PPM1H: variants seen among roughly 807,000 people sequenced by gnomAD.
PPM1H encodes protein phosphatase 1H.
Under a neutral mutation model 54.9 loss-of-function variants are expected in PPM1H, and 27 were observed. That is an observed-to-expected ratio of 0.49 (90% CI 0.36 to 0.68). The LOEUF is 0.68. Ranked by LOEUF, PPM1H falls within the 30% of genes least tolerant of loss-of-function variation. The pLI, the probability that PPM1H is intolerant of heterozygous loss-of-function variation, is 0.00. For synonymous variants in PPM1H, 305 were observed against 270.8 expected, an observed-to-expected ratio of 1.13 and a Z score of -1.24; for missense variants, 596 against 667.8, an observed-to-expected ratio of 0.89 and a Z score of 1.19.
chr12:62,761,186 A>G (rs2076506630), intron 4 of PPM1H, among the ~76,000 whole-genome samples: 1 of 152,244 alleles, frequency 6.6e-6, no homozygotes, highest in Non-Finnish European at 1.5e-5. Context: ...TTAATACTAT[A>G]AAGTAAGGTC....
At chr12:62,776,038 T>C (rs891644706) in intron 4 of PPM1H, among the ~76,000 whole-genome samples, 1 of 152,296 alleles carries the variant, frequency 6.6e-6, no homozygotes, top group East Asian at 1.9e-4. Context: ...GAAACTGCCC[T>C]TTATGAAACT....
At chr12:62,817,116 T>TAAAA (rs1189819660) in intron 2 of PPM1H, among the ~76,000 whole-genome samples, 57 of 41,322 alleles carry the variant, frequency 1.4e-3, no homozygotes, top group Non-Finnish European at 2.1e-3. Context: ...ACTGCATTAC[T>TAAAA]AAAAAAAAAA....
intron 4 of PPM1H, among the ~76,000 whole-genome samples, chr12:62,776,779 C>A (rs2076614001): frequency 6.6e-6 from 1 of 152,212 alleles, no homozygotes; most frequent in Non-Finnish European, 1.5e-5. Context: ...GTACTAACAG[C>A]TAAACCATAT....
At chr12:62,808,877 T>C (rs1237261606) in intron 2 of PPM1H, among the ~76,000 whole-genome samples, 1 of 152,048 alleles carries the variant, frequency 6.6e-6, no homozygotes, top group Non-Finnish European at 1.5e-5. Flanking sequence ...AGGAGTGCTA[T>C]GAAAGCTGGA....
chr12:62,679,141 C>T (rs1323204968), intron 8 of PPM1H, among the ~76,000 whole-genome samples: 2 of 152,014 alleles, frequency 1.3e-5, no homozygotes, highest in African/African-American at 2.4e-5. Context: ...CACATGCCAC[C>T]GTGCCCAGCT....
chr12:62,855,285 G>A (rs58624144), intron 1 of PPM1H, among the ~76,000 whole-genome samples: 5,228 of 152,142 alleles, frequency 0.034, 326 homozygotes, highest in African/African-American at 0.12. Flanking sequence ...TGCTCCAAGC[G>A]ACACAGACTG....
At chr12:62,690,173 G>GATCCATCC (rs747377788) in intron 7 of PPM1H, among the ~76,000 whole-genome samples, 1 of 151,660 alleles carries the variant, frequency 6.6e-6, no homozygotes, top group Non-Finnish European at 1.5e-5. Context: ...AGGATTGATC[G>GATCCATCC]ATCCATCCAT....
intron 1 of PPM1H, among the ~76,000 whole-genome samples, chr12:62,851,672 C>T (rs1240679763): frequency 6.6e-6 from 1 of 152,052 alleles, no homozygotes; most frequent in Non-Finnish European, 1.5e-5. Context: ...CATTGCCCTC[C>T]AGCCTGGGCA....
chr12:62,834,379 C>T (rs916033142), intron 1 of PPM1H, among the ~76,000 whole-genome samples: 2 of 152,120 alleles, frequency 1.3e-5, no homozygotes, highest in Non-Finnish European at 2.9e-5. Flanking sequence ...TTAATCCTAC[C>T]GCATTTACTG....
chr12:62,781,140 T>A (rs1248731991), intron 4 of PPM1H, among the ~76,000 whole-genome samples: 1 of 152,082 alleles, frequency 6.6e-6, no homozygotes, highest in Non-Finnish European at 1.5e-5. Context: ...GAGGCCGGGA[T>A]AGGATAGGAT....
At chr12:62,775,868 CT>C (rs1231102966) in intron 4 of PPM1H, among the ~76,000 whole-genome samples, 2 of 152,218 alleles carry the variant, frequency 1.3e-5, no homozygotes, top group Non-Finnish European at 2.9e-5. Flanking sequence ...TGTTCTCATG[CT>C]GCTAAAAAGA....
At chr12:62,669,559 G>A (rs2075942108) in intron 8 of PPM1H, among the ~76,000 whole-genome samples, 1 of 152,174 alleles carries the variant, frequency 6.6e-6, no homozygotes, top group Non-Finnish European at 1.5e-5. Flanking sequence ...ACTTTATGAT[G>A]ACTGTGGAGA....
At chr12:62,741,952 C>T (rs1000688063) in intron 4 of PPM1H, among the ~76,000 whole-genome samples, 4 of 151,902 alleles carry the variant, frequency 2.6e-5, no homozygotes, top group South Asian at 2.1e-4. Context: ...AAAATCCATA[C>T]GCCTTTTTGT....
chr12:62,655,589 C>CA (rs1266173057), intron 9 of PPM1H, among the ~76,000 whole-genome samples: 5 of 152,144 alleles, frequency 3.3e-5, no homozygotes, highest in African/African-American at 1.2e-4. Flanking sequence ...AAATTTGAGT[C>CA]AAAACATACA....
chr12:62,913,310 G>T (rs981060194), intron 1 of PPM1H, among the ~76,000 whole-genome samples: 1 of 152,112 alleles, frequency 6.6e-6, no homozygotes, highest in African/African-American at 2.4e-5. Flanking sequence ...AGAGTGAGCA[G>T]CGACAATTAC....
intron 7 of PPM1H, among the ~76,000 whole-genome samples, chr12:62,691,156 C>T (rs1197884246): frequency 6.6e-6 from 1 of 152,080 alleles, no homozygotes; most frequent in African/African-American, 2.4e-5. Flanking sequence ...TGGCACTTAG[C>T]ACAGAAAGGT....
At chr12:62,681,415 C>T (rs896429897) in intron 8 of PPM1H, among the ~76,000 whole-genome samples, 1 of 152,186 alleles carries the variant, frequency 6.6e-6, no homozygotes, top group South Asian at 2.1e-4. Context: ...AATGACTGCC[C>T]TGTCTGCAGC....
chr12:62,744,363 T>G (rs2076398818), intron 4 of PPM1H, among the ~76,000 whole-genome samples: 1 of 149,702 alleles, frequency 6.7e-6, no homozygotes, highest in Admixed American at 6.7e-5. Flanking sequence ...CCCAGCTACT[T>G]GGGAGGATGA....
In PPM1H at chr12:62,865,553, C is replaced by A. The variant is rs77528699; in HGVS notation, c.246-33274G>T. ...CTTTGTCATTTTTTTAAAATCTCTTCTAGATTATTAAAGGTCTCACTTAAC... is the reference window on the plus strand; with the variant it reads ...CTTTGTCATTTTTTTAAAATCTCTTATAGATTATTAAAGGTCTCACTTAAC... On this transcript the variant is annotated intron_variant, in intron 1 of 9. Transcript: ENST00000228705. 5.5e-3 allele frequency among the ~76,000 whole-genome samples: 832 copies of A among 152,258 alleles called. 10 individuals are homozygous for A. Among genetic ancestry groups the A allele is most frequent in the African/African-American group, 0.019 (785 of 41,546 alleles).
Sources: allele counts gnomAD v4.1 joint callset (sites outside exome capture counted in the v4.1 genomes callset), GRCh38; gene constraint gnomAD v4.1.1; transcripts MANE v1.5; gene names NCBI Gene and HGNC (gene_info 2026-07-23, HGNC 2026-07-21).